MINPP1: variants seen among roughly 807,000 people sequenced by gnomAD.
The protein encoded by MINPP1 is multiple inositol polyphosphate phosphatase 1.
MINPP1 carries 28 observed loss-of-function variants against 46.1 expected under a neutral mutation model. The ratio of observed to expected loss-of-function variants is 0.61; its 90% CI spans 0.45 to 0.83. The LOEUF is 0.83. MINPP1 is among the 40% of genes least tolerant of loss of function. The pLI is 0.00. For missense variants in MINPP1, 603 were observed against 610.0 expected (o/e 0.99, Z 0.12); for synonymous variants, 268 against 249.1 (o/e 1.08, Z -0.72).
chr10:87,526,859 T>C (rs531399524), intron 4 of MINPP1, among the ~76,000 whole-genome samples: 6 of 152,304 alleles, frequency 3.9e-5, no homozygotes, highest in African/African-American at 1.4e-4. Flanking sequence ...TGGTTGTAGA[T>C]GTGTGGTATT....
rs1218996601 is a variant in MINPP1, at chr10:87,521,177, C to CT, written c.1067+11dup. The CT allele has an allele frequency of 4.4e-6, 7 of 1,608,910 alleles. No individual in the cohort carries two copies. The highest frequency in any genetic ancestry group is 5.9e-6 in the Non-Finnish European group (7 of 1,177,204). ...AGTTGAACAGAAACAAAGGTAAGAA[C>CT]TTTCTAAAAAATGTGAAGTACATTT... On this transcript the variant is annotated intron_variant, in intron 4 of 4. Transcript: ENST00000371996.
chr10:87,513,198 G>A lies in MINPP1; in HGVS notation c.910G>A (p.Val304Ile). 6.2e-7 allele frequency: 1 copy of A among 1,613,324 alleles called. No homozygotes were observed. Among genetic ancestry groups the A allele is most frequent in the Non-Finnish European group, 8.5e-7 (1 of 1,179,454 alleles). The change falls in exon 3 of 5, where the codon GTT becomes ATT. Residue 304 changes from valine to isoleucine, a missense_variant. Physicochemically the swap from Val to Ile is conservative, Grantham distance 29. Around this residue, in one of 3 missense-constraint regions of MINPP1, gnomAD observed 344 missense variants for 381.1 expected, o/e 0.90. Coordinates refer to ENST00000371996, the MANE Select transcript of MINPP1 (RefSeq NM_004897.5). ...AGGTGTTAAATCTCCTTGGTGTGAT[G>A]TTTTTGACATAGATGATGCAAAGGT... ...IKGVKSPWCD[V>I]FDIDDAKVLE...
At position 87,552,669 on chromosome 10, in the gene MINPP1, C is replaced by T; in HGVS notation, c.*191C>T. 1.7e-6 allele frequency: 1 copy of T among 601,988 alleles called. No homozygotes were observed. Among genetic ancestry groups the T allele is most frequent in the Non-Finnish European group, 2.9e-6 (1 of 346,236 alleles). The allele number at this position is 601,988 out of a possible 1,614,324, so 37.3% of individuals were successfully genotyped here. A position where few individuals can be genotyped will look rare whatever the true frequency, so the allele number is the denominator to read the frequency against. ...AAGAAAAGATTTTTCACTGGAGCAGCTCTCTTAAGGAGAAACAAATCTATT... is the reference window on the plus strand; with the variant it reads ...AAGAAAAGATTTTTCACTGGAGCAGTTCTCTTAAGGAGAAACAAATCTATT... On this transcript the variant is annotated 3_prime_UTR_variant, in exon 5 of 5. Transcript: ENST00000371996.
chr10:87,514,335 A>G (rs533111494), intron 3 of MINPP1, among the ~76,000 whole-genome samples: 2 of 152,326 alleles, frequency 1.3e-5, no homozygotes, highest in African/African-American at 4.8e-5. Context: ...ATATTTATGT[A>G]TATCATATAT....
Position 87,505,218 on chromosome 10 carries a change from G to A in MINPP1, c.303G>A (p.Lys101=), listed in dbSNP as rs772642529. 6.2e-7 allele frequency: 1 copy of A among 1,611,886 alleles called. No homozygotes were observed. The highest frequency in any genetic ancestry group is 8.5e-7 in the Non-Finnish European group (1 of 1,179,070). ...ACCCCACGGTCAAACAGATCCGCAA[G>A]CTGAGGCAGCTGCACGGGTTGCTGC... is the stretch of plus-strand genomic sequence containing the variant. ...TRYPTVKQIR[K]LRQLHGLLQA... Residue 101 remains lysine, a synonymous_variant, in exon 1 of 5, where the codon AAG becomes AAA. Coordinates refer to ENST00000371996, the MANE Select transcript of MINPP1 (RefSeq NM_004897.5). The surrounding 1 kb of genome is among the most constrained non-coding windows in gnomAD (Gnocchi z 4.4).
At chr10:87,535,282 C>T (rs1033696948) in intron 4 of MINPP1, among the ~76,000 whole-genome samples, 1 of 152,206 alleles carries the variant, frequency 6.6e-6, no homozygotes, top group Non-Finnish European at 1.5e-5. Context: ...ACTCATGTTT[C>T]AAGGTGTTGA....
Position 87,505,170 on chromosome 10 carries a change from C to T in MINPP1, c.255C>T (p.Ala85=). The change falls in exon 1 of 5, where the codon GCC becomes GCT. Residue 85 remains alanine (A), a synonymous_variant. Transcript: ENST00000371996. This position sits in a 1 kb window ranked among gnomAD's most constrained non-coding sequence, Gnocchi z 4.4. The part of the protein sequence containing the change: ...EGTCTPVQLV[A]LIRHGTRYPT... ...CCTGCACCCCGGTGCAGCTGGTCGC[C>T]CTCATTCGCCACGGCACCCGCTACC... 6.2e-7 allele frequency: 1 copy of T among 1,609,574 alleles called. No homozygotes were observed.
rs1449853521 is a variant in MINPP1, at chr10:87,552,677, AG to A, written c.*201del. 1.8e-6 allele frequency: 1 copy of A among 570,784 alleles called. No homozygotes were observed. The highest frequency in any genetic ancestry group is 3.1e-6 in the Non-Finnish European group (1 of 326,780). 35.4% of individuals were successfully genotyped at this position (570,784 alleles called of 1,614,324 possible). A position where few individuals can be genotyped will look rare whatever the true frequency, so the allele number is the denominator to read the frequency against. On this transcript the variant is annotated 3_prime_UTR_variant, in exon 5 of 5. Coordinates refer to ENST00000371996, the MANE Select transcript of MINPP1 (RefSeq NM_004897.5). ...ATTTTTCACTGGAGCAGCTCTCTTA[AG>A]GAGAAACAAATCTATTTAGAGAAAC... is the stretch of plus-strand genomic sequence containing the variant.
chr10:87,527,143 A>G (rs1244175583), intron 4 of MINPP1, among the ~76,000 whole-genome samples: 10 of 152,272 alleles, frequency 6.6e-5, no homozygotes, highest in Non-Finnish European at 1.0e-4. Flanking sequence ...GGGCAGTATG[A>G]CCATTTTCAC....
rs1312321258 is a variant in MINPP1 at position 87,505,939 on chromosome 10, C to T, written c.637+387C>T. Among the ~76,000 whole-genome samples the T allele has an allele frequency of 1.3e-5, 2 of 152,048 alleles. No individual in the cohort carries two copies. The highest frequency in any genetic ancestry group is 4.8e-5 in the African/African-American group (2 of 41,418). ...CCCCCTTCCCTGGCGTCTAGTTTCA[C>T]AATTGGGCGCACGTTTTAAAAAACA... On this transcript the variant is annotated intron_variant, in intron 1 of 4. Coordinates refer to ENST00000371996, the MANE Select transcript of MINPP1 (RefSeq NM_004897.5). The surrounding 1 kb of genome is among the most constrained non-coding windows in gnomAD (Gnocchi z 4.4).
At chr10:87,539,142 T>C (rs1190980051) in intron 4 of MINPP1, among the ~76,000 whole-genome samples, 1 of 152,192 alleles carries the variant, frequency 6.6e-6, no homozygotes, top group Admixed American at 6.5e-5. Context: ...ATTCCTAAAA[T>C]AAGAAGGGTT....
chr10:87,516,053 T>G lies in MINPP1; in HGVS notation c.933+2832T>G, dbSNP rs1372341523. ...CATGTTGGCCAGGCTGGTCTCGAAC[T>G]CCTGAACTCAAGTGATCCGCCCGCC... On this transcript the variant is annotated intron_variant, in intron 3 of 4. Transcript: ENST00000371996. 4.8e-5 allele frequency among the ~76,000 whole-genome samples: 5 copies of G among 105,172 alleles called. 1 individual carries two copies. The highest frequency in any genetic ancestry group is 4.4e-4 in the Admixed American group (5 of 11,280). 69.0% of individuals were successfully genotyped at this position (105,172 alleles called of 152,430 possible). A position where few individuals can be genotyped will look rare whatever the true frequency, so the allele number is the denominator to read the frequency against.
At chr10:87,547,119 A>T (rs947333671) in intron 4 of MINPP1, among the ~76,000 whole-genome samples, 15 of 151,964 alleles carry the variant, frequency 9.9e-5, no homozygotes, top group East Asian at 1.9e-4. Flanking sequence ...AATTATTATT[A>T]TTTTTTTTCC....
intron 2 of MINPP1, among the ~76,000 whole-genome samples, chr10:87,510,536 T>G (rs1168899371): frequency 6.6e-6 from 1 of 152,252 alleles, no homozygotes; most frequent in Admixed American, 6.5e-5. Flanking sequence ...TTTTAACTCT[T>G]TCAGGTAATG....
At chr10:87,547,092 G>A (rs1233491778) in intron 4 of MINPP1, among the ~76,000 whole-genome samples, 3 of 152,100 alleles carry the variant, frequency 2.0e-5, no homozygotes, top group Non-Finnish European at 4.4e-5. Context: ...CCACAAATAA[G>A]AACTGATTTG....
chr10:87,508,442 C>T lies in MINPP1; in HGVS notation c.744C>T (p.His248=), dbSNP rs140998185. The T allele has an allele frequency of 1.0e-4, 164 of 1,613,616 alleles. No homozygotes were observed. Among genetic ancestry groups the T allele is most frequent in the Middle Eastern group, 6.6e-4 (4 of 6,076 alleles). Residue 248 remains histidine, a synonymous_variant, in exon 2 of 5, where the codon CAC becomes CAT. Coordinates refer to ENST00000371996, the MANE Select transcript of MINPP1 (RefSeq NM_004897.5). The stretch of plus-strand genomic sequence containing the variant: ...AAAAAAATGCTACAGCTCTTTATCA[C>T]GTGGAAGCCTTCAAAACTGGACCAG... ...EVEKNATALY[H]VEAFKTGPEM... is the part of the protein sequence containing the mutation.
At chr10:87,543,076 G>T (rs1382947694) in intron 4 of MINPP1, among the ~76,000 whole-genome samples, 1 of 152,156 alleles carries the variant, frequency 6.6e-6, no homozygotes, top group Non-Finnish European at 1.5e-5. Flanking sequence ...TTGGGAACTA[G>T]AGCAAATGTT....
intron 4 of MINPP1, among the ~76,000 whole-genome samples, chr10:87,530,070 C>T (rs1698880424): frequency 1.3e-5 from 2 of 152,196 alleles, no homozygotes; most frequent in Non-Finnish European, 2.9e-5. Context: ...CATTTAAGGT[C>T]TTCTCTAGGC....
At chr10:87,549,522 A>C (rs770483813) in intron 4 of MINPP1, among the ~76,000 whole-genome samples, 1 of 152,256 alleles carries the variant, frequency 6.6e-6, no homozygotes, top group East Asian at 1.9e-4. Flanking sequence ...GAAGCTGTCC[A>C]TACTGTAAAT....
Sources: gnomAD v4.1 joint callset for allele counts (sites outside exome capture counted in the v4.1 genomes callset) on GRCh38, gnomAD v4.1.1 for gene constraint, gnomAD v4.1.1 regional missense constraint, Gnocchi (gnomAD v3.1) non-coding constraint, MANE v1.5 for transcripts, NCBI Gene and HGNC (gene_info 2026-07-23, HGNC 2026-07-21) for gene names.